Variants in DLG2 observed in about 807,000 individuals in gnomAD.
DLG2 encodes discs large MAGUK scaffold protein 2.
DLG2 carries 45 observed loss-of-function variants against 132.5 expected under a neutral mutation model. The ratio of observed to expected loss-of-function variants is 0.34; its 90% CI spans 0.27 to 0.44. The LOEUF (loss-of-function observed/expected upper bound fraction) is 0.44, where lower values mean the gene tolerates loss of function less well. DLG2 is among the 20% of genes least tolerant of loss of function. The pLI is 1.00. For missense variants in DLG2, 1,045 were observed against 1,196.9 expected, an observed-to-expected ratio of 0.87 and a Z score of 1.87; for synonymous variants, 424 against 419.6, an observed-to-expected ratio of 1.01 and a Z score of -0.13.
At chr11:84,078,856 T>C (rs576588197) in intron 10 of DLG2, among the ~76,000 whole-genome samples, 1 of 152,350 alleles carries the variant, frequency 6.6e-6, no homozygotes, top group South Asian at 2.1e-4. Context: ...GAGTTCCATA[T>C]CCACGTTCAA....
rs567072374 is a variant in DLG2 at position 84,460,025 on chromosome 11, C to G, written c.519+74545G>C. Among the ~76,000 whole-genome samples, 4 of 150,726 alleles carry G rather than the reference C, an allele frequency of 2.7e-5. No homozygotes were observed. In the South Asian group the frequency reaches 8.3e-4, roughly 31 times the overall value. ...TTGGAGTAGCTTTTCTACACTATGTCAAATAGTGTCCTTCTATTTTAGGTT... is the reference window on the plus strand; with the variant it reads ...TTGGAGTAGCTTTTCTACACTATGTGAAATAGTGTCCTTCTATTTTAGGTT... On this transcript the variant is annotated intron_variant, in intron 7 of 27. Coordinates refer to ENST00000376104, the MANE Select transcript of DLG2 (RefSeq NM_001142699.3).
chr11:84,489,369 C>A (rs1179933353), intron 7 of DLG2, among the ~76,000 whole-genome samples: 1 of 152,018 alleles, frequency 6.6e-6, no homozygotes, highest in East Asian at 1.9e-4. Flanking sequence ...TATTTTTCTT[C>A]CTAAACCATC....
chr11:85,052,353 AAAG>A (rs2062985571), intron 6 of DLG2, among the ~76,000 whole-genome samples: 1 of 152,230 alleles, frequency 6.6e-6, no homozygotes, highest in Non-Finnish European at 1.5e-5. Flanking sequence ...CTTTGAAATC[AAAG>A]TAGTCCCTTT....
At chr11:84,335,413 T>C (rs918886722) in intron 7 of DLG2, among the ~76,000 whole-genome samples, 19 of 152,164 alleles carry the variant, frequency 1.2e-4, no homozygotes, top group African/African-American at 4.6e-4. Context: ...CTGATTTTGA[T>C]AGTAAGGTCA....
At chr11:83,684,010 C>T (rs1031690962) in intron 18 of DLG2, among the ~76,000 whole-genome samples, 3 of 152,082 alleles carry the variant, frequency 2.0e-5, no homozygotes, top group Non-Finnish European at 4.4e-5. Flanking sequence ...TGTCTGCTAT[C>T]CACTGTGAGA....
chr11:84,477,951 G>A (rs2099126251), intron 7 of DLG2, among the ~76,000 whole-genome samples: 1 of 151,980 alleles, frequency 6.6e-6, no homozygotes, highest in African/African-American at 2.4e-5. Context: ...CACTACTTTA[G>A]TTCTCACAGA....
At chr11:84,138,728 C>A (rs909018515) in intron 9 of DLG2, among the ~76,000 whole-genome samples, 2 of 152,108 alleles carry the variant, frequency 1.3e-5, no homozygotes, top group Non-Finnish European at 2.9e-5. Flanking sequence ...GCGGGCAGAT[C>A]ACTTTATGTC....
At chr11:83,695,955 G>C (rs887456720) in intron 18 of DLG2, among the ~76,000 whole-genome samples, 4 of 152,174 alleles carry the variant, frequency 2.6e-5, no homozygotes, top group African/African-American at 9.7e-5. Flanking sequence ...AGAGAAATGA[G>C]AGGCAGGCTT....
At chr11:84,056,368 T>G (rs1168128119) in intron 11 of DLG2, among the ~76,000 whole-genome samples, 1 of 152,118 alleles carries the variant, frequency 6.6e-6, no homozygotes, top group Non-Finnish European at 1.5e-5. Flanking sequence ...TTAAATCCTC[T>G]GGACCATTTT....
intron 6 of DLG2, among the ~76,000 whole-genome samples, chr11:84,618,175 T>A (rs1565468984): frequency 6.6e-6 from 1 of 152,036 alleles, no homozygotes; most frequent in Non-Finnish European, 1.5e-5. Flanking sequence ...TAGGTTCATA[T>A]GAGTAAGTAG....
intron 8 of DLG2, among the ~76,000 whole-genome samples, chr11:84,174,692 G>A (rs1438330604): frequency 2.0e-5 from 3 of 152,156 alleles, no homozygotes; most frequent in African/African-American, 7.2e-5. Context: ...TCTATTGGTG[G>A]TGTGGGAATC....
chr11:85,317,964 G>C (rs762743019), intron 3 of DLG2, among the ~76,000 whole-genome samples: 1 of 151,582 alleles, frequency 6.6e-6, no homozygotes, highest in Non-Finnish European at 1.5e-5. Flanking sequence ...CTGTGTGTCT[G>C]TTCCACAATA....
intron 18 of DLG2, among the ~76,000 whole-genome samples, chr11:83,672,036 A>G (rs1220741349): frequency 1.3e-5 from 2 of 152,206 alleles, no homozygotes; most frequent in Admixed American, 6.5e-5. Context: ...AGGGTAAGAC[A>G]AATAAAGGGG....
At chr11:85,338,417 C>A (rs1420396698) in intron 3 of DLG2, among the ~76,000 whole-genome samples, 6 of 152,144 alleles carry the variant, frequency 3.9e-5, no homozygotes, top group African/African-American at 7.2e-5. Context: ...TAAATCAGTT[C>A]TTTTCTTTCC....
At chr11:83,848,974 G>C (rs559839022) in intron 16 of DLG2, among the ~76,000 whole-genome samples, 8 of 152,272 alleles carry the variant, frequency 5.3e-5, no homozygotes, top group African/African-American at 1.4e-4. Context: ...CTTAAAAATA[G>C]ATACAGATAT....
intron 14 of DLG2, among the ~76,000 whole-genome samples, chr11:83,938,562 T>C (rs1443312523): frequency 3.9e-5 from 6 of 152,218 alleles, no homozygotes; most frequent in Non-Finnish European, 5.9e-5. Flanking sequence ...TAAGAAGTTA[T>C]GGAAGACAGT....
intron 6 of DLG2, among the ~76,000 whole-genome samples, chr11:84,669,436 T>C (rs2099703361): frequency 6.6e-6 from 1 of 152,152 alleles, no homozygotes; most frequent in Admixed American, 6.6e-5. Context: ...TTTTGTTAAC[T>C]TAAATTGATT....
chr11:83,496,407 C>T (rs1167324196), intron 21 of DLG2, among the ~76,000 whole-genome samples: 1 of 151,978 alleles, frequency 6.6e-6, no homozygotes, highest in East Asian at 1.9e-4. Flanking sequence ...AGTTTGGTAT[C>T]TTCTTGTAAA....
chr11:85,557,713 T>A (rs1329957008), intron 3 of DLG2, among the ~76,000 whole-genome samples: 1 of 151,808 alleles, frequency 6.6e-6, no homozygotes. Context: ...AGAAAGGACT[T>A]CCTATTCAAT....
Sources: gnomAD v4.1 joint callset for allele counts (sites outside exome capture counted in the v4.1 genomes callset) on GRCh38, gnomAD v4.1.1 for gene constraint, MANE v1.5 for transcripts, NCBI Gene and HGNC (gene_info 2026-07-23, HGNC 2026-07-21) for gene names.